Variants in STAR observed in about 807,000 individuals in gnomAD.
The protein encoded by STAR is steroidogenic acute regulatory protein, also known as steroidogenic acute regulatory protein, mitochondrial.
In STAR, 32 loss-of-function variants were observed where a neutral mutation model predicts 32.3. The observed-to-expected ratio is 0.99, with a 90% CI of 0.75 to 1.33. STAR has a LOEUF of 1.33. Ranked by LOEUF, STAR falls within the 40% of genes most tolerant of loss-of-function variation. The pLI is 0.00. For synonymous variants in STAR, 134 were observed against 140.5 expected (o/e 0.95, Z 0.33); for missense variants, 375 against 379.0 (o/e 0.99, Z 0.09).
chr8:38,144,114 TC>T lies in STAR; in HGVS notation c.*158del. The T allele has an allele frequency of 1.3e-6, 1 of 761,540 alleles. No homozygotes were observed. The highest frequency in any genetic ancestry group is 2.1e-5 in the Admixed American group (1 of 48,558). 47.2% of individuals were successfully genotyped at this position (761,540 alleles called of 1,614,324 possible). A position where few individuals can be genotyped will look rare whatever the true frequency, so the allele number is the denominator to read the frequency against. The stretch of plus-strand genomic sequence containing the variant: ...CCTGTTTTCTTGGTACTAAAAACTT[TC>T]ACCAATCTGAATCCTAGTGTCATAC... On this transcript the variant is annotated 3_prime_UTR_variant, in exon 7 of 7. Coordinates refer to ENST00000276449, the MANE Select transcript of STAR (RefSeq NM_000349.3).
intron 6 of STAR, 160 bp from the exon 7 acceptor site, chr8:38,144,546 T>C (rs1463440582): frequency 3.4e-6 from 5 of 1,479,552 alleles, no homozygotes; most frequent in Non-Finnish European, 4.5e-6. Flanking sequence ...ACTGCATTGC[T>C]CCTCTGCTGT....
At chr8:38,145,187 A>G (rs1332465698) in intron 6 of STAR, 35 bp downstream of exon 6, 2 of 1,613,732 alleles carry the variant, frequency 1.2e-6, no homozygotes, top group South Asian at 1.1e-5. Context: ...TCTCACTACC[A>G]CCTGCCTTCC....
chr8:38,148,796 C>G (rs1161300974), intron 1 of STAR, 42 bp from the exon 2 acceptor site: 3 of 1,504,454 alleles, frequency 2.0e-6, no homozygotes, highest in Non-Finnish European at 2.7e-6. Context: ...TGGAAAGCCC[C>G]TTAGAGATGG....
At chr8:38,145,170 C>CT in intron 6 of STAR, 52 bp downstream of exon 6, 1 of 1,613,278 alleles carries the variant, frequency 6.2e-7, no homozygotes, top group South Asian at 1.1e-5. Flanking sequence ...TGGGAAGAGC[C>CT]TGTTTTTCTC....
chr8:38,147,792 A>C (rs143502895), intron 3 of STAR, among the ~76,000 whole-genome samples: 3 of 152,222 alleles, frequency 2.0e-5, no homozygotes, highest in Non-Finnish European at 4.4e-5. Context: ...GTTCTAGTCC[A>C]GGCCTGTTGT....
chr8:38,144,803 G>A, intron 6 of STAR: 1 of 582,038 alleles, frequency 1.7e-6, no homozygotes, highest in South Asian at 2.1e-5. Context: ...GAGGTCAGGA[G>A]TTTGAGACCA....
chr8:38,148,386 T>G, intron 2 of STAR, 59 bp from the exon 3 acceptor site: 3 of 1,608,134 alleles, frequency 1.9e-6, no homozygotes, highest in South Asian at 1.1e-5. Context: ...CCACCAGCTC[T>G]CATCCCTGGA....
At position 38,146,008 on chromosome 8, in the gene STAR, A is replaced by G. The variant is rs762873625; in HGVS notation, c.605T>C (p.Met202Thr). 11 of 1,614,108 alleles carry G rather than the reference A, an allele frequency of 6.8e-6. No individual in the cohort carries two copies. In the Admixed American group the frequency reaches 8.3e-5, roughly 12 times the overall value. ...RRGSTCVLAG[M>T]ATDFGNMPEQ... ...AGGCATGTTCCCGAAGTCTGTGGCC[A>G]TGCCAGCCAGCACACAGGTGGAGCC... The change falls in exon 5 of 7, where the codon ATG becomes ACG. Residue 202 changes from methionine (M) to threonine (T), a missense_variant. Physicochemically the swap from Met to Thr is moderately conservative, Grantham distance 81. Coordinates refer to ENST00000276449, the MANE Select transcript of STAR (RefSeq NM_000349.3).
chr8:38,149,162 T>C (rs1430675185), intron 1 of STAR: 1 of 240,552 alleles, frequency 4.2e-6, no homozygotes, highest in Non-Finnish European at 8.3e-6. Context: ...GAGGTCTGTG[T>C]GCTTGCCAGA....
In STAR at chr8:38,145,316, C is replaced by G. The variant is rs749626865; in HGVS notation, c.651-1G>C. On this transcript the variant is annotated splice_acceptor_variant, in intron 5 of 6. Transcript: ENST00000276449. LOFTEE classifies it high-confidence loss of function. ...CATGCAAGTGGGACCGTGCTCCGCC[C>G]TGGCAAATGGAGAAGTCAAGTCAGG... The G allele has an allele frequency of 1.9e-6, 3 of 1,614,140 alleles. No individual in the cohort carries two copies. The South Asian group carries it at 3.3e-5, about 18-fold the overall frequency.
Position 38,148,306 on chromosome 8 carries a change from A to T in STAR, c.200T>A (p.Leu67His), listed in dbSNP as rs1177205682. The stretch of plus-strand genomic sequence containing the variant: ...ATAGGCCAGCTCCTGGTCACTGTAG[A>T]GAGTCTCTTCCAGCCGAGAACCTGG... ...SLLGSRLEET[L>H]YSDQELAYLQ... The change falls in exon 3 of 7, where the codon CTC becomes CAC. Residue 67 changes from leucine to histidine, a missense_variant. Coordinates refer to ENST00000276449, the MANE Select transcript of STAR (RefSeq NM_000349.3). 6.2e-7 allele frequency: 1 copy of T among 1,614,084 alleles called. No individual in the cohort carries two copies. Among genetic ancestry groups the T allele is most frequent in the Non-Finnish European group, 8.5e-7 (1 of 1,180,000 alleles).
At chr8:38,148,136 C>T in intron 3 of STAR, 64 bp downstream of exon 3, 6 of 1,609,396 alleles carry the variant, frequency 3.7e-6, no homozygotes, top group Non-Finnish European at 5.1e-6. Flanking sequence ...AAATAGTAAC[C>T]CCAGCTGGCC....
In STAR at chr8:38,146,108, C is replaced by G; in HGVS notation, c.505G>C (p.Glu169Gln). The G allele has an allele frequency of 6.2e-7, 1 of 1,614,164 alleles. No individual in the cohort carries two copies. The highest frequency in any genetic ancestry group is 1.1e-5 in the South Asian group (1 of 91,080). Residue 169 changes from glutamate (E) to glutamine (Q), a missense_variant, in exon 5 of 7, where the codon GAG (glutamate) becomes CAG (glutamine). Coordinates refer to ENST00000276449, the MANE Select transcript of STAR (RefSeq NM_000349.3). ...KIGKDTFITH[E>Q]LAAEAAGNLV... ...TTTCCTGCTGCCTCGGCAGCCAGCT[C>G]GTGAGTAATGAATGTATCTTTTCCG...
In STAR at chr8:38,144,309, G is replaced by C; in HGVS notation, c.822C>G (p.Arg274=). ...CTTCAGAGGCAGGGTGGGACTCCAGGCGCTTGCGCAGGTGGTTGGCAAAAT... is the reference window on the plus strand; with the variant it reads ...CTTCAGAGGCAGGGTGGGACTCCAGCCGCTTGCGCAGGTGGTTGGCAAAAT... The part of the protein sequence containing the change: ...QVDFANHLRK[R]LESHPASEAR... Residue 274 remains arginine (R), a synonymous_variant, in exon 7 of 7, where the codon CGC becomes CGG. Coordinates refer to ENST00000276449, the MANE Select transcript of STAR (RefSeq NM_000349.3). The C allele has an allele frequency of 6.2e-7, 1 of 1,610,122 alleles. No homozygotes were observed. The highest frequency in any genetic ancestry group is 8.5e-7 in the Non-Finnish European group (1 of 1,178,416).
intron 2 of STAR, 91 bp downstream of exon 2, chr8:38,148,550 G>T: frequency 7.2e-7 from 1 of 1,385,728 alleles, no homozygotes; most frequent in Non-Finnish European, 1.0e-6. Context: ...TGAAGGAATG[G>T]CAGGAGGGGA....
rs188232971 is a variant in STAR at position 38,143,292 on chromosome 8, T to C, written c.*981A>G. 2.2e-3 allele frequency among the ~76,000 whole-genome samples: 322 copies of C among 147,902 alleles called. 1 individual carries two copies. Among genetic ancestry groups the C allele is most frequent in the Middle Eastern group, 3.4e-3 (1 of 292 alleles). ...GAACTCCTCTAGTGTGAAGTTGTAA[T>C]CTACTAGCATAGATTTTTTTTTTTT... On this transcript the variant is annotated 3_prime_UTR_variant, in exon 7 of 7. Coordinates refer to ENST00000276449, the MANE Select transcript of STAR (RefSeq NM_000349.3).
intron 4 of STAR, 59 bp downstream of exon 4, chr8:38,146,230 T>C (rs1802571871): frequency 1.9e-6 from 3 of 1,613,616 alleles, no homozygotes; most frequent in Non-Finnish European, 2.5e-6. Flanking sequence ...CTCTCTTTGA[T>C]ACAGCATTCA....
chr8:38,144,756 C>G (rs1585623829), intron 6 of STAR: 2 of 751,868 alleles, frequency 2.7e-6, no homozygotes, highest in East Asian at 1.3e-4. Context: ...GTGGCTCACG[C>G]CTGTAATCCC....
At position 38,143,441 on chromosome 8, in the gene STAR, C is replaced by T. The variant is rs1398269204; in HGVS notation, c.*832G>A. ...CCTGCCTCAGCCTCCCAAGTAGCTA[C>T]GACTACAGGTTTGCGCCACCACACC... On this transcript the variant is annotated 3_prime_UTR_variant, in exon 7 of 7. Transcript: ENST00000276449. 6.6e-6 allele frequency among the ~76,000 whole-genome samples: 1 copy of T among 151,780 alleles called. No individual in the cohort carries two copies. Among genetic ancestry groups the T allele is most frequent in the Non-Finnish European group, 1.5e-5 (1 of 67,982 alleles).
Sources: gnomAD v4.1 joint callset for allele counts (sites outside exome capture counted in the v4.1 genomes callset) on GRCh38, gnomAD v4.1.1 for gene constraint, MANE v1.5 for transcripts, NCBI Gene and HGNC (gene_info 2026-07-23, HGNC 2026-07-21) for gene names.